PHC3: variants seen among roughly 807,000 people sequenced by gnomAD.
PHC3 encodes polyhomeotic homolog 3, also known as polyhomeotic-like protein 3.
Under a neutral mutation model 107.4 loss-of-function variants are expected in PHC3, and 13 were observed. That is an observed-to-expected ratio of 0.12 (90% CI 0.08 to 0.19). PHC3 has a LOEUF of 0.19. PHC3 is among the 10% of genes least tolerant of loss of function. The probability of loss-of-function intolerance (pLI) is 1.00; values close to 1 mark genes in which losing one functional copy is unlikely to be tolerated. For synonymous variants in PHC3, 456 were observed against 427.4 expected, an observed-to-expected ratio of 1.07 and a Z score of -0.83; for missense variants, 992 against 1,210.9, an observed-to-expected ratio of 0.82 and a Z score of 2.68.
At chr3:170,108,045 T>A (rs1716904953) in intron 11 of PHC3, among the ~76,000 whole-genome samples, 1 of 152,204 alleles carries the variant, frequency 6.6e-6, no homozygotes, top group Non-Finnish European at 1.5e-5. Context: ...AAGGGTAGTA[T>A]GACATGTAAT....
At chr3:170,150,732 GA>G (rs761455098) in intron 4 of PHC3, 94 of 423,224 alleles carry the variant, frequency 2.2e-4, no homozygotes, top group South Asian at 1.4e-3. Flanking sequence ...AAGAAAAAAA[GA>G]AAAAAACCCA....
chr3:170,174,846 TAAC>T (rs997949617), intron 2 of PHC3, among the ~76,000 whole-genome samples: 2 of 152,248 alleles, frequency 1.3e-5, no homozygotes, highest in African/African-American at 4.8e-5. Context: ...TTCAGAATTA[TAAC>T]AATATACCTT....
At chr3:170,138,894 C>G (rs1373527207) in intron 6 of PHC3, among the ~76,000 whole-genome samples, 1 of 151,958 alleles carries the variant, frequency 6.6e-6, no homozygotes, top group Non-Finnish European at 1.5e-5. Context: ...TCATTTGGAG[C>G]TCTTATTCAA....
At chr3:170,127,084 T>C (rs976537460) in intron 8 of PHC3, among the ~76,000 whole-genome samples, 1 of 152,014 alleles carries the variant, frequency 6.6e-6, no homozygotes, top group African/African-American at 2.4e-5. Context: ...GTACGCTTCC[T>C]ATACCCCTGT....
chr3:170,108,605 C>A (rs554808969), intron 11 of PHC3, among the ~76,000 whole-genome samples: 1 of 152,168 alleles, frequency 6.6e-6, no homozygotes, highest in Admixed American at 6.6e-5. Context: ...GACCTTCCAA[C>A]GGCCCAGTCA....
chr3:170,145,507 G>GTATCATTAAAAAA lies in PHC3; in HGVS notation c.587_588insTTTTTTAATGATA (p.Ala197PhefsTer14). The GTATCATTAAAAAA allele has an allele frequency of 6.2e-7, 1 of 1,611,994 alleles. No individual in the cohort carries two copies. On this transcript the variant is annotated frameshift_variant, in exon 6 of 15. Transcript: ENST00000495893. LOFTEE classifies it high-confidence loss of function. ...ACTGTACAGCAGCCACAGTGGTAGCGGGTGTGAAAATCAGCTGTACAGACA... is the reference window on the plus strand; with the variant it reads ...ACTGTACAGCAGCCACAGTGGTAGCGTATCATTAAAAAAGGTGTGAAAATCAGCTGTACAGACA...
intron 9 of PHC3, 45 bp from the exon 10 acceptor site, chr3:170,117,521 T>G: frequency 1.3e-6 from 2 of 1,562,874 alleles, no homozygotes; most frequent in Non-Finnish European, 1.7e-6. Flanking sequence ...TTTTAGCATT[T>G]TGCCCAAGCA....
At chr3:170,103,983 T>C (rs538933719) in intron 12 of PHC3, among the ~76,000 whole-genome samples, 1 of 152,306 alleles carries the variant, frequency 6.6e-6, no homozygotes, top group Non-Finnish European at 1.5e-5. Context: ...GGTGGGTGGA[T>C]GGCTTGAGCC....
rs1410287067 is a variant in PHC3 at position 170,093,273 on chromosome 3, C to G, written c.*3957G>C. On this transcript the variant is annotated 3_prime_UTR_variant, in exon 15 of 15. Coordinates refer to ENST00000495893, the MANE Select transcript of PHC3 (RefSeq NM_024947.4). ...TAAGGATTCTGAGACAAAGATCTCTCCAAGAAAGAAGTTTTCATGGTTTTC... is the reference window on the plus strand; with the variant it reads ...TAAGGATTCTGAGACAAAGATCTCTGCAAGAAAGAAGTTTTCATGGTTTTC... 1 of 152,170 alleles carries G rather than the reference C, an allele frequency of 6.6e-6. No individual in the cohort carries two copies. Among genetic ancestry groups the G allele is most frequent in the Non-Finnish European group, 1.5e-5 (1 of 68,048 alleles). The allele number at this position is 152,170 out of a possible 1,614,324, so 9.4% of individuals were successfully genotyped here.
chr3:170,119,724 T>C (rs901130379), intron 9 of PHC3, among the ~76,000 whole-genome samples: 1 of 152,148 alleles, frequency 6.6e-6, no homozygotes, highest in Non-Finnish European at 1.5e-5. Flanking sequence ...TTTGTATAGA[T>C]GCTTTTCACT....
chr3:170,112,523 T>A (rs1388372354), intron 11 of PHC3, among the ~76,000 whole-genome samples: 1 of 128,732 alleles, frequency 7.8e-6, no homozygotes, highest in African/African-American at 2.9e-5. Context: ...GCGCCTGGCC[T>A]ATTTTTTTTT....
At chr3:170,103,557 AT>A (rs1715890061) in intron 12 of PHC3, among the ~76,000 whole-genome samples, 1 of 152,228 alleles carries the variant, frequency 6.6e-6, no homozygotes, top group Admixed American at 6.5e-5. Context: ...ACTGCCTAGT[AT>A]TTTTGAACAT....
intron 4 of PHC3, among the ~76,000 whole-genome samples, chr3:170,158,840 T>A (rs372763419): frequency 6.8e-6 from 1 of 146,936 alleles, no homozygotes; most frequent in Non-Finnish European, 1.5e-5. Flanking sequence ...GCAGGGAGGA[T>A]CACTTGAGCC....
chr3:170,106,393 C>T (rs1716521206), intron 12 of PHC3, among the ~76,000 whole-genome samples: 1 of 152,066 alleles, frequency 6.6e-6, no homozygotes, highest in Non-Finnish European at 1.5e-5. Flanking sequence ...CAAATGAAAA[C>T]ATTTTAAAAC....
intron 4 of PHC3, among the ~76,000 whole-genome samples, chr3:170,166,164 C>T (rs560274794): frequency 2.2e-4 from 34 of 152,044 alleles, no homozygotes; most frequent in African/African-American, 8.0e-4. Flanking sequence ...CCTGCCTCAG[C>T]TTCCCAAGTA....
chr3:170,123,441 T>G (rs1720740135), intron 8 of PHC3, among the ~76,000 whole-genome samples: 1 of 151,930 alleles, frequency 6.6e-6, no homozygotes, highest in Admixed American at 6.6e-5. Context: ...TGGGAGAAAG[T>G]TTTTAAGTCT....
chr3:170,171,074 A>G (rs1729509407), intron 4 of PHC3: 1 of 434,534 alleles, frequency 2.3e-6, no homozygotes, highest in Non-Finnish European at 4.0e-6. Flanking sequence ...ATATCCCTGC[A>G]TTGTATATTT....
rs1390291227 is a variant in PHC3, at chr3:170,129,326, C to T, written c.1146G>A (p.Gln382=). The T allele has an allele frequency of 1.2e-6, 2 of 1,613,814 alleles. No individual in the cohort carries two copies. Among genetic ancestry groups the T allele is most frequent in the African/African-American group, 2.7e-5 (2 of 74,904 alleles). ...GATGACTCTGAATCGGTGAACAATG[C>T]TGTGACTGGGCATTACTGGGAGCTG... The part of the protein sequence containing the change: ...LPPAPSNAQS[Q]HCSPIQSHPS... Residue 382 remains glutamine (Q), a synonymous_variant, in exon 8 of 15, where the codon CAG becomes CAA. Coordinates refer to ENST00000495893, the MANE Select transcript of PHC3 (RefSeq NM_024947.4).
chr3:170,139,025 G>GA (rs1159899579), intron 6 of PHC3, among the ~76,000 whole-genome samples: 4 of 152,176 alleles, frequency 2.6e-5, no homozygotes, highest in Admixed American at 1.3e-4. Context: ...TCCCTGGTTA[G>GA]AAAAGAGTTT....
Sources: gnomAD v4.1 joint callset for allele counts (sites outside exome capture counted in the v4.1 genomes callset) on GRCh38, gnomAD v4.1.1 for gene constraint, MANE v1.5 for transcripts, NCBI Gene and HGNC (gene_info 2026-07-23, HGNC 2026-07-21) for gene names.